Variants in EPB41L2 observed in about 807,000 individuals in gnomAD.
EPB41L2 encodes erythrocyte membrane protein band 4.1 like 2.
In EPB41L2, 43 loss-of-function variants were observed where a neutral mutation model predicts 113.0. That is an observed-to-expected ratio of 0.38 (90% CI 0.30 to 0.49). The LOEUF (loss-of-function observed/expected upper bound fraction) is 0.49, where lower values mean the gene tolerates loss of function less well. EPB41L2 is among the 20% of genes least tolerant of loss of function. EPB41L2 has a pLI of 0.95. For synonymous variants in EPB41L2, 442 were observed against 436.7 expected (o/e 1.01, Z -0.15); for missense variants, 1,147 against 1,223.4 (o/e 0.94, Z 0.93).
chr6:131,003,161 A>G (rs1289691723), intron 1 of EPB41L2, among the ~76,000 whole-genome samples: 2 of 152,244 alleles, frequency 1.3e-5, no homozygotes, highest in African/African-American at 2.4e-5. Flanking sequence ...TTGGCACTGC[A>G]AAGAGTACAC....
intron 1 of EPB41L2, among the ~76,000 whole-genome samples, chr6:131,027,628 G>A (rs1791183835): frequency 1.3e-5 from 2 of 152,174 alleles, no homozygotes; most frequent in African/African-American, 4.8e-5. Flanking sequence ...CATAGCAATA[G>A]GGCTGGCATC....
intron 1 of EPB41L2, among the ~76,000 whole-genome samples, chr6:131,025,536 C>G (rs1368768222): frequency 1.3e-5 from 2 of 152,210 alleles, no homozygotes; most frequent in African/African-American, 4.8e-5. Flanking sequence ...ATAGTCATCT[C>G]CACTTGGATG....
intron 4 of EPB41L2, among the ~76,000 whole-genome samples, chr6:130,911,247 C>A (rs1799297089): frequency 6.6e-6 from 1 of 152,064 alleles, no homozygotes; most frequent in Admixed American, 6.6e-5. Context: ...AAGCTGGAAA[C>A]CATCATTCTC....
At chr6:130,937,775 C>T (rs1361648923) in intron 3 of EPB41L2, among the ~76,000 whole-genome samples, 1 of 150,314 alleles carries the variant, frequency 6.7e-6, no homozygotes, top group Admixed American at 6.6e-5. Flanking sequence ...AAGATCGTGC[C>T]ACTGCCCTCC....
intron 1 of EPB41L2, among the ~76,000 whole-genome samples, chr6:131,051,271 T>C (rs1172191839): frequency 6.6e-6 from 1 of 152,104 alleles, no homozygotes; most frequent in Non-Finnish European, 1.5e-5. Flanking sequence ...ATAATTTTAT[T>C]ATGGCTGCAG....
chr6:130,944,158 TACATACACAC>T (rs71030720), intron 3 of EPB41L2, among the ~76,000 whole-genome samples: 3,476 of 146,412 alleles, frequency 0.024, 56 homozygotes, highest in South Asian at 0.051. Flanking sequence ...TATATATACG[TACATACACAC>T]ACATACACAC....
chr6:130,866,692 T>C (rs751792103), intron 16 of EPB41L2, among the ~76,000 whole-genome samples: 12 of 152,244 alleles, frequency 7.9e-5, no homozygotes, highest in Non-Finnish European at 1.6e-4. Context: ...ATGATACAAT[T>C]CTACCACAGA....
At chr6:130,885,986 C>G (rs974030430) in intron 11 of EPB41L2, among the ~76,000 whole-genome samples, 1 of 152,102 alleles carries the variant, frequency 6.6e-6, no homozygotes, top group African/African-American at 2.4e-5. Flanking sequence ...TGTCATAGTG[C>G]AGATCAAACC....
chr6:130,955,015 A>T (rs1583892591), intron 3 of EPB41L2, 90 bp downstream of exon 3: 1 of 1,133,460 alleles, frequency 8.8e-7, no homozygotes, highest in Non-Finnish European at 1.3e-6. Flanking sequence ...CAACTGGCTT[A>T]CAGGAACTTA....
chr6:131,032,969 G>C (rs150140405), intron 1 of EPB41L2, among the ~76,000 whole-genome samples: 1 of 152,136 alleles, frequency 6.6e-6, no homozygotes, highest in Non-Finnish European at 1.5e-5. Context: ...TCTGTCACCC[G>C]GATTCAAGCA....
At chr6:130,874,380 T>A (rs900490812) in intron 14 of EPB41L2, among the ~76,000 whole-genome samples, 1 of 152,054 alleles carries the variant, frequency 6.6e-6, no homozygotes, top group African/African-American at 2.4e-5. Context: ...TTATTTTACT[T>A]TCAATAAGAA....
intron 1 of EPB41L2, among the ~76,000 whole-genome samples, chr6:131,029,083 C>T (rs1317048249): frequency 6.6e-6 from 1 of 152,104 alleles, no homozygotes; most frequent in African/African-American, 2.4e-5. Context: ...TCAACCTTCC[C>T]ATCTTCCACT....
At chr6:131,001,444 T>C (rs1339129401) in intron 1 of EPB41L2, among the ~76,000 whole-genome samples, 2 of 152,180 alleles carry the variant, frequency 1.3e-5, no homozygotes, top group Non-Finnish European at 2.9e-5. Flanking sequence ...ACAAGTTAAG[T>C]ACAGCATTAT....
At chr6:130,935,842 C>T (rs1229609887) in intron 3 of EPB41L2, among the ~76,000 whole-genome samples, 1 of 152,136 alleles carries the variant, frequency 6.6e-6, no homozygotes, top group African/African-American at 2.4e-5. Context: ...AACAGGTATG[C>T]AGAAGGCTAT....
At chr6:131,008,619 A>C (rs1231569963) in intron 1 of EPB41L2, among the ~76,000 whole-genome samples, 1 of 152,226 alleles carries the variant, frequency 6.6e-6, no homozygotes, top group Non-Finnish European at 1.5e-5. Flanking sequence ...CAGACACTCA[A>C]TGCAAGCCCA....
intron 1 of EPB41L2, among the ~76,000 whole-genome samples, chr6:131,046,058 C>A (rs184638540): frequency 2.0e-5 from 3 of 150,424 alleles, no homozygotes; most frequent in African/African-American, 7.3e-5. Flanking sequence ...GGGATCCTCC[C>A]GCCTCAGTCT....
At chr6:131,031,167 C>T (rs1792078765) in intron 1 of EPB41L2, among the ~76,000 whole-genome samples, 3 of 151,970 alleles carry the variant, frequency 2.0e-5, no homozygotes, top group South Asian at 4.2e-4. Flanking sequence ...GCACTACCCA[C>T]CCCAGAAAAG....
In EPB41L2 at chr6:130,910,087, A is replaced by T. The variant is rs947279946; in HGVS notation, c.811-1224T>A. The stretch of plus-strand genomic sequence containing the variant: ...TATAGCCAAGACAATCCTAAACAAA[A>T]AGAACAAAGCTGGAGGTATCACACT... On this transcript the variant is annotated intron_variant, in intron 4 of 19. Coordinates refer to ENST00000337057, the MANE Select transcript of EPB41L2 (RefSeq NM_001431.4). Among the ~76,000 whole-genome samples the T allele has an allele frequency of 6.6e-5, 10 of 152,334 alleles. No individual in the cohort carries two copies. In the East Asian group the frequency reaches 1.5e-3, roughly 23 times the overall value.
intron 18 of EPB41L2, among the ~76,000 whole-genome samples, chr6:130,861,784 A>G (rs1281355528): frequency 6.6e-6 from 1 of 151,182 alleles, no homozygotes; most frequent in Non-Finnish European, 1.5e-5. Context: ...AGGCAGGAGA[A>G]TCACTTGAAC....
Sources: allele counts gnomAD v4.1 joint callset (sites outside exome capture counted in the v4.1 genomes callset), GRCh38; gene constraint gnomAD v4.1.1; transcripts MANE v1.5; gene names NCBI Gene and HGNC (gene_info 2026-07-23, HGNC 2026-07-21).